CTSO: variants seen among roughly 807,000 people sequenced by gnomAD.
The protein encoded by CTSO is cathepsin O.
In CTSO, 40 loss-of-function variants were observed where a neutral mutation model predicts 42.4. That is an observed-to-expected ratio of 0.94 (90% confidence interval 0.73 to 1.23). The LOEUF (loss-of-function observed/expected upper bound fraction) is 1.23. Ranked by LOEUF, CTSO falls within the 50% of genes most tolerant of loss-of-function variation. The pLI, the probability that CTSO is intolerant of heterozygous loss-of-function variation, is 0.00. For synonymous variants in CTSO, 156 were observed against 146.2 expected (o/e 1.07, Z -0.48); for missense variants, 441 against 396.0 (o/e 1.11, Z -0.96).
Position 155,930,738 on chromosome 4 carries a change from A to G in CTSO, c.675-1033T>C, listed in dbSNP as rs188749636. Among the ~76,000 whole-genome samples, 29 of 152,300 alleles carry G rather than the reference A, an allele frequency of 1.9e-4. No individual in the cohort carries two copies. In the East Asian group the frequency reaches 5.2e-3, roughly 27 times the overall value. Reference sequence around the variant, plus strand: ...AGAGGGAATATTTTGTCCACAGAGGAGCAAAAAGTTGACTGCATAATAATG... The same window carrying G: ...AGAGGGAATATTTTGTCCACAGAGGGGCAAAAAGTTGACTGCATAATAATG... On this transcript the variant is annotated intron_variant, in intron 5 of 7. Transcript: ENST00000433477.
chr4:155,939,898 G>C (rs1440242269), intron 3 of CTSO, among the ~76,000 whole-genome samples: 1 of 152,100 alleles, frequency 6.6e-6, no homozygotes, highest in Non-Finnish European at 1.5e-5. Flanking sequence ...TTCTTCTGGA[G>C]AGTGTGTGCC....
intron 1 of CTSO, among the ~76,000 whole-genome samples, chr4:155,948,699 T>C (rs1478079240): frequency 6.6e-6 from 1 of 152,192 alleles, no homozygotes; most frequent in Non-Finnish European, 1.5e-5. Context: ...GAAATCAACA[T>C]TTTTCTTACA....
intron 5 of CTSO, 51 bp downstream of exon 5, chr4:155,937,311 A>G (rs1258123814): frequency 1.4e-6 from 2 of 1,449,080 alleles, no homozygotes; most frequent in Admixed American, 1.8e-5. Flanking sequence ...CAGTCAATAG[A>G]TCATAAATTA....
rs1743253084 is a variant in CTSO, at chr4:155,932,455, C to A, written c.675-2750G>T. Among the ~76,000 whole-genome samples, 6 of 152,134 alleles carry A rather than the reference C, an allele frequency of 3.9e-5. No homozygotes were observed. The South Asian group carries it at 1.2e-3, about 32-fold the overall frequency. On this transcript the variant is annotated intron_variant, in intron 5 of 7. Coordinates refer to ENST00000433477, the MANE Select transcript of CTSO (RefSeq NM_001334.3). ...GACCAGGTCTTGTGCCCAGTTATAGCAAATGCTTTGGAAGACCTTCACACA... is the reference window on the plus strand; with the variant it reads ...GACCAGGTCTTGTGCCCAGTTATAGAAAATGCTTTGGAAGACCTTCACACA...
rs931273525 is a variant in CTSO, at chr4:155,946,988, T to C, written c.136-3724A>G. Among the ~76,000 whole-genome samples, 3 of 152,024 alleles carry C rather than the reference T, an allele frequency of 2.0e-5. No individual in the cohort carries two copies. The East Asian group carries it at 5.8e-4, about 29-fold the overall frequency. On this transcript the variant is annotated intron_variant, in intron 1 of 7. Transcript: ENST00000433477. ...CTCCTGCCTCAGCCTCCCGAGTAGCTGGGACTACGGGCACCCGCCACAATG... is the reference window on the plus strand; with the variant it reads ...CTCCTGCCTCAGCCTCCCGAGTAGCCGGGACTACGGGCACCCGCCACAATG...
intron 3 of CTSO, among the ~76,000 whole-genome samples, chr4:155,941,313 T>G (rs1252621189): frequency 6.6e-6 from 1 of 152,062 alleles, no homozygotes; most frequent in African/African-American, 2.4e-5. Context: ...TGTAGACGGG[T>G]AGGGAAGGTC....
intron 7 of CTSO, among the ~76,000 whole-genome samples, chr4:155,927,140 T>C (rs1442842864): frequency 1.3e-5 from 2 of 152,202 alleles, no homozygotes; most frequent in African/African-American, 4.8e-5. Context: ...ATCAGGGTGA[T>C]AGAACAGATC....
At position 155,929,535 on chromosome 4, in the gene CTSO, C is replaced by T. The variant is rs779636509; in HGVS notation, c.838+7G>A. 7.5e-6 allele frequency: 12 copies of T among 1,610,280 alleles called. No individual in the cohort carries two copies. In the South Asian group the frequency reaches 1.0e-4, roughly 13 times the overall value. ...AAAGCAGTCAACTGAGTCTTATCAG[C>T]ACTTACCTGTTTTATCAAACCCAGT... is the stretch of plus-strand genomic sequence containing the variant. On this transcript the variant is annotated splice_region_variant and intron_variant, in intron 6 of 7. Transcript: ENST00000433477.
Position 155,942,452 on chromosome 4 carries a change from A to G in CTSO, c.249T>C (p.Ile83=), listed in dbSNP as rs1431942745. The change falls in exon 3 of 8, where the codon ATT becomes ATC. Residue 83 remains isoleucine (I), a synonymous_variant. Coordinates refer to ENST00000433477, the MANE Select transcript of CTSO (RefSeq NM_001334.3). ...SYLFPEEFKA[I]YLRSKPSKFP... is the part of the protein sequence containing the mutation. ...ACTTGGAAGGTTTGCTTCTTAAATA[A>G]ATGGCTGAGTAGAAACATAAAATGA... 6.6e-7 allele frequency: 1 copy of G among 1,525,256 alleles called. No individual in the cohort carries two copies. The highest frequency in any genetic ancestry group is 1.3e-5 in the South Asian group (1 of 74,318). 94.5% of individuals were successfully genotyped at this position (1,525,256 alleles called of 1,614,324 possible).
chr4:155,940,629 G>T (rs1184907675), intron 3 of CTSO, among the ~76,000 whole-genome samples: 1 of 152,144 alleles, frequency 6.6e-6, no homozygotes, highest in East Asian at 1.9e-4. Context: ...CGGATCATGA[G>T]GTCAGGAGTT....
intron 1 of CTSO, among the ~76,000 whole-genome samples, chr4:155,949,188 C>T (rs544755014): frequency 2.4e-4 from 37 of 152,186 alleles, no homozygotes; most frequent in Non-Finnish European, 2.9e-4. Flanking sequence ...CTAACATTAG[C>T]CCTCTTCACA....
intron 3 of CTSO, 149 bp downstream of exon 3, chr4:155,942,168 A>C: frequency 1.7e-5 from 10 of 589,830 alleles, no homozygotes; most frequent in South Asian, 4.0e-5. Context: ...TCATTCCTCC[A>C]GAGATTCTCT....
intron 1 of CTSO, among the ~76,000 whole-genome samples, chr4:155,951,100 AT>A (rs1163047561): frequency 1.3e-5 from 2 of 152,180 alleles, no homozygotes; most frequent in Non-Finnish European, 2.9e-5. Flanking sequence ...ATTCCTAAAT[AT>A]ATAAATAATC....
At chr4:155,935,478 C>A (rs1483433169) in intron 5 of CTSO, among the ~76,000 whole-genome samples, 1 of 151,924 alleles carries the variant, frequency 6.6e-6, no homozygotes, top group Non-Finnish European at 1.5e-5. Context: ...GAACCATGTT[C>A]CCCCACATAT....
chr4:155,932,494 A>G (rs1431007909), intron 5 of CTSO, among the ~76,000 whole-genome samples: 3 of 152,180 alleles, frequency 2.0e-5, no homozygotes, highest in Non-Finnish European at 2.9e-5. Flanking sequence ...TAAGGCTGTC[A>G]CCACTGCAAT....
intron 1 of CTSO, among the ~76,000 whole-genome samples, chr4:155,948,564 T>C (rs558529073): frequency 6.6e-6 from 1 of 152,144 alleles, no homozygotes; most frequent in Non-Finnish European, 1.5e-5. Flanking sequence ...TCATGAAACA[T>C]CCCAGCAAGG....
intron 6 of CTSO, among the ~76,000 whole-genome samples, chr4:155,928,883 G>A (rs1023978771): frequency 1.3e-5 from 2 of 152,096 alleles, no homozygotes; most frequent in African/African-American, 4.8e-5. Flanking sequence ...TTTACATTGG[G>A]AACAGGCCCC....
intron 3 of CTSO, among the ~76,000 whole-genome samples, chr4:155,940,954 T>C (rs761128022): frequency 1.3e-5 from 2 of 152,072 alleles, no homozygotes; most frequent in Non-Finnish European, 2.9e-5. Flanking sequence ...CTCTCATACA[T>C]TCCTTTAATT....
At chr4:155,943,046 TAA>T in intron 2 of CTSO, 108 bp downstream of exon 2, 1 of 693,630 alleles carries the variant, frequency 1.4e-6, no homozygotes, top group Non-Finnish European at 2.5e-6. Flanking sequence ...AGACACTTAA[TAA>T]ATGTTAACTA....
Sources: allele counts gnomAD v4.1 joint callset (sites outside exome capture counted in the v4.1 genomes callset), GRCh38; gene constraint gnomAD v4.1.1; transcripts MANE v1.5; gene names NCBI Gene and HGNC (gene_info 2026-07-23, HGNC 2026-07-21).